Variants in PCNX1 observed in about 807,000 individuals in gnomAD.
PCNX1 encodes the protein pecanex-like protein 1.
A neutral mutation model predicts 242.2 loss-of-function variants in PCNX1; 78 were observed. That is an observed-to-expected ratio of 0.32 (90% CI 0.27 to 0.39). The LOEUF (loss-of-function observed/expected upper bound fraction) is 0.39. Ranked by LOEUF, PCNX1 falls within the 10% of genes least tolerant of loss-of-function variation. The pLI is 1.00. For missense variants in PCNX1, 2,581 were observed against 2,856.5 expected (o/e 0.90, Z 2.20); for synonymous variants, 1,024 against 1,032.9 (o/e 0.99, Z 0.17).
chr14:71,041,202 TTGCTGG>T (rs2060693800), intron 19 of PCNX1, among the ~76,000 whole-genome samples: 3 of 152,168 alleles, frequency 2.0e-5, no homozygotes, highest in Admixed American at 2.0e-4. Flanking sequence ...AGCATTGGGA[TTGCTGG>T]ATAATATGGT....
intron 1 of PCNX1, among the ~76,000 whole-genome samples, chr14:70,930,874 A>G (rs2056771263): frequency 6.6e-6 from 1 of 152,074 alleles, no homozygotes; most frequent in South Asian, 2.1e-4. Flanking sequence ...GGAGACTTCT[A>G]ACTGGAATGC....
intron 5 of PCNX1, among the ~76,000 whole-genome samples, chr14:70,972,854 T>C (rs1340517887): frequency 6.6e-6 from 1 of 152,184 alleles, no homozygotes; most frequent in Non-Finnish European, 1.5e-5. Context: ...ATATGAGGGC[T>C]GGGTAGAAGG....
At position 71,028,686 on chromosome 14, in the gene PCNX1, CT is replaced by C; in HGVS notation, c.3467-10del. The C allele has an allele frequency of 1.3e-6, 2 of 1,522,536 alleles. No homozygotes were observed. Among genetic ancestry groups the C allele is most frequent in the Non-Finnish European group, 1.8e-6 (2 of 1,115,916 alleles). 94.3% of individuals were successfully genotyped at this position (1,522,536 alleles called of 1,614,324 possible). Reference sequence around the variant, plus strand: ...TTTATAAAATGTTTCTTACCTTTTCCTTTTCCTGTCTAGCCACTACAAGCCT... The same window carrying C: ...TTTATAAAATGTTTCTTACCTTTTCCTTTCCTGTCTAGCCACTACAAGCCT... On this transcript the variant is annotated splice_polypyrimidine_tract_variant and intron_variant, in intron 15 of 35. Coordinates refer to ENST00000304743, the MANE Select transcript of PCNX1 (RefSeq NM_014982.3).
At chr14:71,091,207 A>G (rs1047274138) in intron 30 of PCNX1, among the ~76,000 whole-genome samples, 1 of 152,190 alleles carries the variant, frequency 6.6e-6, no homozygotes, top group African/African-American at 2.4e-5. Context: ...CAACAGCCAT[A>G]TATTGATCGT....
intron 2 of PCNX1, among the ~76,000 whole-genome samples, chr14:70,958,657 A>G (rs1267063863): frequency 6.6e-6 from 1 of 152,162 alleles, no homozygotes; most frequent in Non-Finnish European, 1.5e-5. Flanking sequence ...TTAAGTCTCA[A>G]CATTAAGAGT....
At chr14:70,915,674 A>C (rs956815315) in intron 1 of PCNX1, among the ~76,000 whole-genome samples, 1 of 152,222 alleles carries the variant, frequency 6.6e-6, no homozygotes, top group Admixed American at 6.5e-5. Flanking sequence ...TTTAGAAAAC[A>C]GTAGGGTGAA....
At position 71,028,751 on chromosome 14, in the gene PCNX1, C is replaced by T. The variant is rs767044782; in HGVS notation, c.3518C>T (p.Ala1173Val). 6.2e-7 allele frequency: 1 copy of T among 1,607,704 alleles called. No individual in the cohort carries two copies. The highest frequency in any genetic ancestry group is 8.5e-7 in the Non-Finnish European group (1 of 1,176,772). Residue 1173 changes from alanine to valine, a missense_variant, in exon 16 of 36, where the codon GCA becomes GTA. By Grantham distance (64) the Ala-to-Val change is moderately conservative. Transcript: ENST00000304743. Reference protein sequence around the residue: ...ALYSFICSIVAVALLYGLCYG... With the variant: ...ALYSFICSIVVVALLYGLCYG... ...TACAGTTTTATCTGTAGCATTGTTGCAGTAGCCTTATTGTATGGATTATGT... is the reference window on the plus strand; with the variant it reads ...TACAGTTTTATCTGTAGCATTGTTGTAGTAGCCTTATTGTATGGATTATGT...
intron 26 of PCNX1, among the ~76,000 whole-genome samples, chr14:71,063,757 G>A (rs1454406681): frequency 6.6e-6 from 1 of 152,138 alleles, no homozygotes; most frequent in African/African-American, 2.4e-5. Flanking sequence ...TATCCTGGAT[G>A]CTTACTTTTA....
At position 71,111,656 on chromosome 14, in the gene PCNX1, G is replaced by GAA. The variant is rs2062755557; in HGVS notation, c.*1723_*1724dup. On this transcript the variant is annotated 3_prime_UTR_variant, in exon 36 of 36. Coordinates refer to ENST00000304743, the MANE Select transcript of PCNX1 (RefSeq NM_014982.3). Reference sequence around the variant, plus strand: ...TTACAGTAGAAGGAATGAAAACTAAGAAAGTAAATAGTGAACATACAGAAC... The same window carrying GAA: ...TTACAGTAGAAGGAATGAAAACTAAGAAAAAGTAAATAGTGAACATACAGAAC... 6.6e-6 allele frequency: 1 copy of GAA among 152,078 alleles called. No individual in the cohort carries two copies. The highest frequency in any genetic ancestry group is 1.5e-5 in the Non-Finnish European group (1 of 67,956). The allele number at this position is 152,078 out of a possible 1,614,324, so 9.4% of individuals were successfully genotyped here.
At chr14:70,993,885 A>C (rs1025801714) in intron 7 of PCNX1, among the ~76,000 whole-genome samples, 1 of 152,162 alleles carries the variant, frequency 6.6e-6, no homozygotes, top group Non-Finnish European at 1.5e-5. Flanking sequence ...AAGAGTAACA[A>C]ATTATGTATG....
intron 26 of PCNX1, among the ~76,000 whole-genome samples, chr14:71,067,659 G>A (rs575281061): frequency 6.6e-5 from 10 of 152,062 alleles, no homozygotes; most frequent in African/African-American, 2.2e-4. Flanking sequence ...TTTTGAATTC[G>A]TTTGCTCCTG....
chr14:70,915,599 A>G (rs1379261362), intron 1 of PCNX1, among the ~76,000 whole-genome samples: 2 of 152,184 alleles, frequency 1.3e-5, no homozygotes, highest in Non-Finnish European at 2.9e-5. Flanking sequence ...GCAGTAGATC[A>G]TATGTGTTAC....
intron 26 of PCNX1, among the ~76,000 whole-genome samples, chr14:71,065,556 T>C (rs1310299800): frequency 2.0e-5 from 3 of 152,162 alleles, no homozygotes; most frequent in Non-Finnish European, 2.9e-5. Flanking sequence ...AAATTTTGTC[T>C]CATTCTGTAG....
At chr14:71,038,923 G>T (rs2060624941) in intron 19 of PCNX1, among the ~76,000 whole-genome samples, 1 of 151,254 alleles carries the variant, frequency 6.6e-6, no homozygotes, top group East Asian at 1.9e-4. Flanking sequence ...TCCTTTGTAG[G>T]GACATGGATG....
chr14:70,933,380 G>GT (rs1471552902), intron 1 of PCNX1, among the ~76,000 whole-genome samples: 1 of 152,112 alleles, frequency 6.6e-6, no homozygotes, highest in Non-Finnish European at 1.5e-5. Flanking sequence ...GCCCATGGAG[G>GT]TTTTTGTATG....
chr14:71,026,501 T>C (rs897726574), intron 14 of PCNX1, among the ~76,000 whole-genome samples: 3 of 152,162 alleles, frequency 2.0e-5, no homozygotes, highest in Non-Finnish European at 2.9e-5. Flanking sequence ...TTGGAGTAGA[T>C]ATAATGCAGA....
At chr14:71,007,658 TTTC>T (rs1459005187) in intron 8 of PCNX1, among the ~76,000 whole-genome samples, 1 of 152,198 alleles carries the variant, frequency 6.6e-6, no homozygotes, top group African/African-American at 2.4e-5. Context: ...TGAGCAGATA[TTTC>T]TTTTTTCTCT....
At position 71,051,493 on chromosome 14, in the gene PCNX1, T is replaced by C. The variant is rs142422197; in HGVS notation, c.4448-390T>C. On this transcript the variant is annotated intron_variant, in intron 23 of 35. Transcript: ENST00000304743. ...AAAATTTTCTACTCCCACGATTTCT[T>C]AGAAGTATTTTCTAAATAATAGTAA... 6.8e-4 allele frequency among the ~76,000 whole-genome samples: 103 copies of C among 152,332 alleles called. 3 individuals carry two copies. In the East Asian group the frequency reaches 0.019, roughly 28 times the overall value.
rs111874593 is a variant in PCNX1, at chr14:70,983,299, C to A, written c.2311+4651C>A. The stretch of plus-strand genomic sequence containing the variant: ...TGCAAATTATCTTTAACGCAAAGCT[C>A]AGCTAATAATTTTTTTTTTTCTTGG... On this transcript the variant is annotated intron_variant, in intron 6 of 35. Coordinates refer to ENST00000304743, the MANE Select transcript of PCNX1 (RefSeq NM_014982.3). Among the ~76,000 whole-genome samples, 33 of 152,014 alleles carry A rather than the reference C, an allele frequency of 2.2e-4. 3 individuals are homozygous for A. Among genetic ancestry groups the A allele is most frequent in the African/African-American group, 7.2e-4 (30 of 41,478 alleles).
Sources: allele counts gnomAD v4.1 joint callset (sites outside exome capture counted in the v4.1 genomes callset), GRCh38; gene constraint gnomAD v4.1.1; transcripts MANE v1.5; gene names NCBI Gene and HGNC (gene_info 2026-07-23, HGNC 2026-07-21).